Variants in PTPRD observed in about 807,000 individuals in gnomAD.
PTPRD encodes the protein receptor-type tyrosine-protein phosphatase delta.
Under a neutral mutation model 214.5 loss-of-function variants are expected in PTPRD, and 34 were observed. The observed-to-expected ratio is 0.16, with a 90% CI of 0.12 to 0.21. The LOEUF is 0.21. PTPRD is among the 10% of genes least tolerant of loss of function. PTPRD has a pLI of 1.00. For synonymous variants in PTPRD, 1,128 were observed against 845.7 expected (o/e 1.33, Z -5.79); for missense variants, 2,545 against 2,398.7 (o/e 1.06, Z -1.27).
At chr9:9,912,875 A>G (rs2079606459) in intron 5 of PTPRD, among the ~76,000 whole-genome samples, 1 of 152,214 alleles carries the variant, frequency 6.6e-6, no homozygotes. Flanking sequence ...CCTCATAGGA[A>G]AGAACATAAA....
intron 7 of PTPRD, among the ~76,000 whole-genome samples, chr9:9,593,218 T>C (rs4141863): frequency 0.088 from 13,160 of 148,726 alleles, 805 homozygotes; most frequent in South Asian, 0.14. Context: ...TTTTTGTTTT[T>C]CCCCCCCCTC....
intron 7 of PTPRD, among the ~76,000 whole-genome samples, chr9:9,653,128 G>C (rs1202331160): frequency 1.3e-5 from 2 of 148,286 alleles, no homozygotes; most frequent in East Asian, 2.0e-4. Flanking sequence ...GGATCATGAG[G>C]TCAGGAGATC....
At chr9:9,359,178 A>G (rs2055020969) in intron 9 of PTPRD, among the ~76,000 whole-genome samples, 1 of 151,160 alleles carries the variant, frequency 6.6e-6, no homozygotes, top group Non-Finnish European at 1.5e-5. Context: ...TATATCCTTC[A>G]GTTTTCTATA....
intron 3 of PTPRD, among the ~76,000 whole-genome samples, chr9:10,271,302 G>T (rs1340555304): frequency 6.6e-6 from 1 of 151,648 alleles, no homozygotes; most frequent in African/African-American, 2.4e-5. Context: ...TGCATTTTTA[G>T]GTGTTACAAA....
chr9:8,691,111 A>G (rs1156761178), intron 12 of PTPRD, among the ~76,000 whole-genome samples: 2 of 152,160 alleles, frequency 1.3e-5, no homozygotes, highest in Non-Finnish European at 2.9e-5. Context: ...AAATAATGAA[A>G]TGGCTTTTGA....
chr9:9,523,115 G>A lies in PTPRD; in HGVS notation c.-237+51617C>T, dbSNP rs188945488. Among the ~76,000 whole-genome samples the A allele has an allele frequency of 5.0e-4, 76 of 152,192 alleles. 1 individual carries two copies. Among genetic ancestry groups the A allele is most frequent in the Admixed American group, 4.7e-3 (72 of 15,262 alleles). On this transcript the variant is annotated intron_variant, in intron 8 of 45. Coordinates refer to ENST00000381196, the MANE Select transcript of PTPRD (RefSeq NM_002839.4). ...CAACTGAAAAAATAAAATAGGCAAA[G>A]TCCAGAAACATAATGAATTTTAAGT...
chr9:10,507,349 A>G (rs2046351114), intron 2 of PTPRD, among the ~76,000 whole-genome samples: 1 of 152,144 alleles, frequency 6.6e-6, no homozygotes, highest in African/African-American at 2.4e-5. Context: ...GGAAGAATCA[A>G]TATCATGAAA....
At chr9:10,065,530 C>T (rs910473721) in intron 3 of PTPRD, among the ~76,000 whole-genome samples, 1 of 151,764 alleles carries the variant, frequency 6.6e-6, no homozygotes, top group African/African-American at 2.4e-5. Context: ...AGTGCTCAAC[C>T]ATTTTCAGTA....
intron 5 of PTPRD, among the ~76,000 whole-genome samples, chr9:9,858,783 A>T (rs1006650284): frequency 3.3e-5 from 5 of 152,380 alleles, no homozygotes; most frequent in African/African-American, 1.2e-4. Context: ...TGATTTACCC[A>T]AATCAACAGT....
intron 12 of PTPRD, among the ~76,000 whole-genome samples, chr9:8,689,882 T>C (rs2097767445): frequency 6.6e-6 from 1 of 151,972 alleles, no homozygotes; most frequent in Admixed American, 6.6e-5. Flanking sequence ...CAAAGGCTTG[T>C]GGATCAACTG....
intron 14 of PTPRD, among the ~76,000 whole-genome samples, chr9:8,628,026 T>A (rs546552803): frequency 5.3e-5 from 8 of 152,020 alleles, no homozygotes; most frequent in African/African-American, 1.9e-4. Flanking sequence ...AGTACCATAA[T>A]TGTCAGCACG....
intron 35 of PTPRD, among the ~76,000 whole-genome samples, chr9:8,434,854 G>T (rs1351740358): frequency 1.3e-5 from 2 of 152,094 alleles, no homozygotes; most frequent in Non-Finnish European, 2.9e-5. Context: ...AGAAACTATA[G>T]AAAGTGTTTT....
chr9:8,768,289 G>A (rs560170284), intron 11 of PTPRD, among the ~76,000 whole-genome samples: 1 of 152,048 alleles, frequency 6.6e-6, no homozygotes, highest in Non-Finnish European at 1.5e-5. Context: ...CTATAGTCCT[G>A]CCTGTAATCC....
chr9:9,981,596 G>A (rs1451648999), intron 4 of PTPRD, among the ~76,000 whole-genome samples: 1 of 151,916 alleles, frequency 6.6e-6, no homozygotes, highest in South Asian at 2.1e-4. Flanking sequence ...TCCTGACCTT[G>A]TGATCTGCCT....
chr9:8,433,160 C>G (rs7027844), intron 35 of PTPRD, among the ~76,000 whole-genome samples: 1 of 151,926 alleles, frequency 6.6e-6, no homozygotes, highest in Non-Finnish European at 1.5e-5. Context: ...AAAACTATAA[C>G]AGATCTGAAG....
intron 5 of PTPRD, among the ~76,000 whole-genome samples, chr9:9,856,072 G>T (rs1279099648): frequency 6.6e-6 from 1 of 152,184 alleles, no homozygotes; most frequent in Admixed American, 6.5e-5. Flanking sequence ...GGCCCTCAGT[G>T]GGAAGGGGAG....
chr9:10,559,471 T>C (rs1027364335), intron 2 of PTPRD, among the ~76,000 whole-genome samples: 2 of 152,156 alleles, frequency 1.3e-5, no homozygotes, highest in African/African-American at 4.8e-5. Flanking sequence ...TTAGAAATAA[T>C]CTCTCATAGT....
chr9:9,763,047 G>A lies in PTPRD; in HGVS notation c.-326+3763C>T, dbSNP rs577614010. ...GTGTAAGCAGAGAGGGAAAGAGAGA[G>A]CGATCTCTTCCTCTTCTTATACAGC... On this transcript the variant is annotated intron_variant, in intron 6 of 45. Coordinates refer to ENST00000381196, the MANE Select transcript of PTPRD (RefSeq NM_002839.4). 4.6e-5 allele frequency among the ~76,000 whole-genome samples: 7 copies of A among 152,252 alleles called. 1 individual carries two copies. In the South Asian group the frequency reaches 1.5e-3, roughly 32 times the overall value.
intron 7 of PTPRD, among the ~76,000 whole-genome samples, chr9:9,721,453 G>A (rs891353610): frequency 6.6e-6 from 1 of 152,088 alleles, no homozygotes; most frequent in Non-Finnish European, 1.5e-5. Flanking sequence ...CCTGAAGTAT[G>A]TGCCTCTATT....
Sources: allele counts gnomAD v4.1 joint callset (sites outside exome capture counted in the v4.1 genomes callset), GRCh38; gene constraint gnomAD v4.1.1; transcripts MANE v1.5; gene names NCBI Gene and HGNC (gene_info 2026-07-23, HGNC 2026-07-21).